Variants in NRXN1 observed in about 807,000 individuals in gnomAD.
NRXN1 encodes the protein neurexin-1.
A neutral mutation model predicts 150.9 loss-of-function variants in NRXN1; 39 were observed. The observed-to-expected ratio is 0.26, with a 90% CI of 0.20 to 0.34. The LOEUF (loss-of-function observed/expected upper bound fraction) is 0.34. NRXN1 is among the 10% of genes least tolerant of loss of function. The probability of loss-of-function intolerance (pLI) is 1.00; values close to 1 mark genes in which losing one functional copy is unlikely to be tolerated. For synonymous variants in NRXN1, 924 were observed against 757.0 expected, an observed-to-expected ratio of 1.22 and a Z score of -3.62; for missense variants, 1,815 against 1,949.9, an observed-to-expected ratio of 0.93 and a Z score of 1.30.
intron 19 of NRXN1, among the ~76,000 whole-genome samples, chr2:50,078,930 G>A (rs377069441): frequency 1.9e-4 from 29 of 151,840 alleles, no homozygotes; most frequent in African/African-American, 2.4e-4. Context: ...AAACTTTTTC[G>A]CACTTATTTT....
At chr2:50,520,855 C>A (rs1372417573) in intron 12 of NRXN1, among the ~76,000 whole-genome samples, 2 of 151,914 alleles carry the variant, frequency 1.3e-5, no homozygotes, top group South Asian at 2.1e-4. Flanking sequence ...AAGAGAACAC[C>A]TGCATTATTT....
chr2:50,590,970 T>C (rs1674083253), intron 8 of NRXN1, among the ~76,000 whole-genome samples: 1 of 152,146 alleles, frequency 6.6e-6, no homozygotes, highest in Non-Finnish European at 1.5e-5. Context: ...AATGTTATGT[T>C]CCAAACACAG....
chr2:50,423,647 G>A (rs1000582131), intron 17 of NRXN1, among the ~76,000 whole-genome samples: 6 of 151,970 alleles, frequency 3.9e-5, no homozygotes, highest in Non-Finnish European at 8.8e-5. Context: ...TGAAGATACA[G>A]CAGTGAATAA....
At chr2:50,186,228 T>A (rs1202426423) in intron 18 of NRXN1, among the ~76,000 whole-genome samples, 1 of 152,050 alleles carries the variant, frequency 6.6e-6, no homozygotes, top group Non-Finnish European at 1.5e-5. Context: ...TTTCTGTAAA[T>A]GTATACTACG....
At chr2:49,929,232 C>T (rs187233006) in intron 22 of NRXN1, among the ~76,000 whole-genome samples, 1 of 152,108 alleles carries the variant, frequency 6.6e-6, no homozygotes, top group Non-Finnish European at 1.5e-5. Flanking sequence ...GGTACCACAT[C>T]GAACAGAAGA....
At chr2:50,477,316 A>G (rs1222136709) in intron 15 of NRXN1, among the ~76,000 whole-genome samples, 1 of 152,224 alleles carries the variant, frequency 6.6e-6, no homozygotes, top group South Asian at 2.1e-4. Flanking sequence ...CTAGGAAACT[A>G]GGGAATTTGA....
chr2:50,843,645 G>C (rs1233327850), intron 5 of NRXN1, among the ~76,000 whole-genome samples: 1 of 152,094 alleles, frequency 6.6e-6, no homozygotes, highest in African/African-American at 2.4e-5. Context: ...CTACCTATCC[G>C]CCATCCAGGT....
intron 12 of NRXN1, among the ~76,000 whole-genome samples, chr2:50,525,811 G>C (rs781176898): frequency 2.0e-5 from 3 of 151,940 alleles, no homozygotes; most frequent in African/African-American, 4.8e-5. Context: ...TTTTCTTCCC[G>C]GGGGGGAAAT....
intron 5 of NRXN1, among the ~76,000 whole-genome samples, chr2:50,881,144 G>T (rs1679365221): frequency 1.3e-5 from 2 of 151,938 alleles, no homozygotes; most frequent in African/African-American, 4.8e-5. Context: ...TTTCCTAAAA[G>T]ATGTGCAATG....
At chr2:50,305,067 G>A (rs951203085) in intron 17 of NRXN1, among the ~76,000 whole-genome samples, 2 of 152,146 alleles carry the variant, frequency 1.3e-5, no homozygotes, top group African/African-American at 2.4e-5. Flanking sequence ...TCCAGCCTGG[G>A]TGACAGAGCC....
chr2:50,656,405 A>G (rs1686465898), intron 5 of NRXN1: 1 of 776,310 alleles, frequency 1.3e-6, no homozygotes, highest in Admixed American at 1.7e-5. Flanking sequence ...GGTCTGAAGA[A>G]GTCACAAATA....
chr2:50,117,737 G>A (rs1419457830), intron 18 of NRXN1, among the ~76,000 whole-genome samples: 2 of 148,870 alleles, frequency 1.3e-5, no homozygotes, highest in Non-Finnish European at 3.0e-5. Context: ...ACTTCTCACC[G>A]ATTCAGTGAG....
At chr2:50,863,293 T>G (rs1178476707) in intron 5 of NRXN1, among the ~76,000 whole-genome samples, 1 of 152,080 alleles carries the variant, frequency 6.6e-6, no homozygotes, top group African/African-American at 2.4e-5. Context: ...AGTTTTCTTA[T>G]GTCTAAGATA....
rs796811637 is a variant in NRXN1 at position 50,761,350 on chromosome 2, C to T, written c.833-137735G>A. 5.3e-5 allele frequency among the ~76,000 whole-genome samples: 8 copies of T among 151,632 alleles called. No individual in the cohort carries two copies. In the South Asian group the frequency reaches 8.3e-4, roughly 16 times the overall value. On this transcript the variant is annotated intron_variant, in intron 5 of 22. Transcript: ENST00000401669. ...GTGGGAGGTAATTGAATCATGGGGG[C>T]GAGTTTTTCCTGGCCGTTCTCATGA...
At chr2:50,482,497 G>A (rs186338796) in intron 15 of NRXN1, among the ~76,000 whole-genome samples, 205 of 150,416 alleles carry the variant, frequency 1.4e-3, no homozygotes, top group African/African-American at 5.1e-3. Flanking sequence ...ACCATTCCAT[G>A]TTTCATTTTT....
At chr2:50,002,390 A>T (rs1381252610) in intron 21 of NRXN1, among the ~76,000 whole-genome samples, 1 of 152,096 alleles carries the variant, frequency 6.6e-6, no homozygotes, top group African/African-American at 2.4e-5. Context: ...TATCATTGTA[A>T]AGTACATTTA....
chr2:50,378,853 T>C (rs543345241), intron 17 of NRXN1, among the ~76,000 whole-genome samples: 1 of 152,270 alleles, frequency 6.6e-6, no homozygotes, highest in African/African-American at 2.4e-5. Flanking sequence ...CTAAGTTATG[T>C]TCAGATAAAG....
chr2:50,652,278 C>G (rs896164315), intron 5 of NRXN1, among the ~76,000 whole-genome samples: 2 of 151,990 alleles, frequency 1.3e-5, no homozygotes, highest in Admixed American at 6.6e-5. Flanking sequence ...TTTAAGTATA[C>G]AATTCAATGA....
At chr2:50,570,026 G>A (rs1338822230) in intron 8 of NRXN1, among the ~76,000 whole-genome samples, 1 of 152,108 alleles carries the variant, frequency 6.6e-6, no homozygotes, top group East Asian at 1.9e-4. Context: ...TCATATACAT[G>A]TGGATTTCTG....
Sources: gnomAD v4.1 joint callset for allele counts (sites outside exome capture counted in the v4.1 genomes callset) on GRCh38, gnomAD v4.1.1 for gene constraint, MANE v1.5 for transcripts, NCBI Gene and HGNC (gene_info 2026-07-23, HGNC 2026-07-21) for gene names.